Variants in MED24 observed in about 807,000 individuals in gnomAD.
MED24 encodes the protein mediator of RNA polymerase II transcription subunit 24.
Under a neutral mutation model 118.8 loss-of-function variants are expected in MED24, and 74 were observed. The observed-to-expected ratio is 0.62, with a 90% CI of 0.52 to 0.76. MED24 has a LOEUF of 0.76. Among genes scored for constraint, MED24 ranks in the 30% least tolerant of loss-of-function variants. The pLI is 0.00. For missense variants in MED24, 1,041 were observed against 1,278.9 expected, an observed-to-expected ratio of 0.81 and a Z score of 2.84; for synonymous variants, 521 against 523.9, an observed-to-expected ratio of 0.99 and a Z score of 0.08.
chr17:40,033,162 G>A lies in MED24; in HGVS notation c.716C>T (p.Thr239Ile). The change falls in exon 8 of 26, where the codon ACC becomes ATC. Residue 239 changes from threonine to isoleucine, a missense_variant. Transcript: ENST00000394128. This position sits in a 1 kb window ranked among gnomAD's most constrained non-coding sequence, Gnocchi z 5.2. Reference sequence around the variant, plus strand: ...CACGGCGTGGACAGTGGGGAAGCCGGTCTTGTGCATCTGCTCCGCATGCAC... The same window carrying A: ...CACGGCGTGGACAGTGGGGAAGCCGATCTTGTGCATCTGCTCCGCATGCAC... The part of the protein sequence containing the change: ...LSVHAEQMHK[T>I]GFPTVHAVIL... 1.9e-6 allele frequency: 3 copies of A among 1,614,132 alleles called. No individual in the cohort carries two copies. The highest frequency in any genetic ancestry group is 8.5e-7 in the Non-Finnish European group (1 of 1,180,034).
chr17:40,029,754 G>T lies in MED24; in HGVS notation c.1260C>A (p.Ile420=). The T allele has an allele frequency of 1.9e-6, 3 of 1,614,002 alleles. No individual in the cohort carries two copies. Among genetic ancestry groups the T allele is most frequent in the Non-Finnish European group, 1.7e-6 (2 of 1,179,844 alleles). The change falls in exon 13 of 26, where the codon ATC becomes ATA. Residue 420 remains isoleucine (I), a synonymous_variant. Coordinates refer to ENST00000394128, the MANE Select transcript of MED24 (RefSeq NM_014815.4). Reference sequence around the variant, plus strand: ...CAGGGAAGGGCACACTCACCTTGAGGATGTTTGTGACAGTGGGCTCCGCCC... The same window carrying T: ...CAGGGAAGGGCACACTCACCTTGAGTATGTTTGTGACAGTGGGCTCCGCCC... ...ILRAEPTVTN[I]LKTMDADHSK...
At chr17:40,051,628 C>A (rs1985856498) in intron 3 of MED24, among the ~76,000 whole-genome samples, 1 of 146,778 alleles carries the variant, frequency 6.8e-6, no homozygotes, top group Non-Finnish European at 1.5e-5. Context: ...ATCAATCAAT[C>A]AATAAAAAAT....
At chr17:40,053,782 G>A in intron 1 of MED24, 147 bp from the exon 2 acceptor site, 1 of 1,043,742 alleles carries the variant, frequency 9.6e-7, no homozygotes, top group Non-Finnish European at 1.4e-6. Flanking sequence ...AAGGGATAAA[G>A]TAAGATCCTG....
At chr17:40,020,502 G>C in intron 23 of MED24, 149 bp from the exon 24 acceptor site, 1 of 1,527,394 alleles carries the variant, frequency 6.5e-7, no homozygotes, top group South Asian at 1.2e-5. Flanking sequence ...AGAGCACAAA[G>C]GGAGGCCAGG....
Position 40,053,969 on chromosome 17 carries a change from A to T in MED24, c.-37-334T>A, listed in dbSNP as rs1231478112. Reference sequence around the variant, plus strand: ...AACATGGAGAAACCTCGTCTCCACTAAAAATACAAAATTAGCCGGGCTTGG... The same window carrying T: ...AACATGGAGAAACCTCGTCTCCACTTAAAATACAAAATTAGCCGGGCTTGG... On this transcript the variant is annotated intron_variant, in intron 1 of 25. Coordinates refer to ENST00000394128, the MANE Select transcript of MED24 (RefSeq NM_014815.4). 2.7e-5 allele frequency: 11 copies of T among 410,542 alleles called. No homozygotes were observed. In the Admixed American group the frequency reaches 3.9e-4, roughly 15 times the overall value. 25.4% of individuals were successfully genotyped at this position (410,542 alleles called of 1,614,324 possible).
chr17:40,027,123 G>A lies in MED24; in HGVS notation c.1531-89C>T, dbSNP rs1982757450. 4.7e-6 allele frequency: 7 copies of A among 1,488,510 alleles called. No homozygotes were observed. The Admixed American group carries it at 1.5e-4, about 31-fold the overall frequency. The allele number at this position is 1,488,510 out of a possible 1,614,324, so 92.2% of individuals were successfully genotyped here. ...CTGGGGCTGCACTGTTTCCCGCCAGGCTGCTGCTCCAGCCCAGCCCAAAGA... is the reference window on the plus strand; with the variant it reads ...CTGGGGCTGCACTGTTTCCCGCCAGACTGCTGCTCCAGCCCAGCCCAAAGA... On this transcript the variant is annotated intron_variant, in intron 16 of 25. Transcript: ENST00000394128.
chr17:40,020,554 G>A (rs1401470391), intron 23 of MED24: 21 of 1,191,824 alleles, frequency 1.8e-5, no homozygotes, highest in Non-Finnish European at 2.4e-5. Context: ...TTGGGAGGCC[G>A]AGGCAGGAGG....
At chr17:40,042,702 A>G (rs978098616) in intron 3 of MED24, among the ~76,000 whole-genome samples, 11 of 152,240 alleles carry the variant, frequency 7.2e-5, no homozygotes, top group Admixed American at 4.6e-4. Context: ...AAAGATACCA[A>G]TGAAATATAC....
Position 40,022,408 on chromosome 17 carries a change from G to A in MED24, c.2509C>T (p.Arg837Cys), listed in dbSNP as rs201314858. 2.0e-5 allele frequency: 32 copies of A among 1,609,842 alleles called. 1 individual carries two copies. The highest frequency in any genetic ancestry group is 4.4e-5 in the South Asian group (4 of 90,148). ...QASTRQKKRHREDIEDYISLF... is the reference protein window; with the variant it reads ...QASTRQKKRHCEDIEDYISLF... ...GGGGGGCCTACCTCAATGTCTTCGC[G>A]GTGTCTCTTCTTCTGGCGGGTGGAC... The change falls in exon 22 of 26, where the codon CGC (arginine) becomes TGC (cysteine). Residue 837 changes from arginine (R) to cysteine (C), a missense_variant. Physicochemically the swap from Arg to Cys is radical, Grantham distance 180. Coordinates refer to ENST00000394128, the MANE Select transcript of MED24 (RefSeq NM_014815.4).
chr17:40,019,982 G>T (rs537656540), intron 24 of MED24, 49 bp from the exon 25 acceptor site: 2 of 1,543,446 alleles, frequency 1.3e-6, no homozygotes, highest in Non-Finnish European at 1.8e-6. Context: ...ATGAGAGTGG[G>T]TGAGGTCACA....
chr17:40,040,563 C>T (rs867323414), intron 3 of MED24, among the ~76,000 whole-genome samples: 1 of 151,862 alleles, frequency 6.6e-6, no homozygotes, highest in Non-Finnish European at 1.5e-5. Flanking sequence ...TTCCATTTAA[C>T]CACCACCCCA....
intron 24 of MED24, 77 bp downstream of exon 24, chr17:40,020,196 A>G (rs1156421757): frequency 1.5e-6 from 2 of 1,366,030 alleles, no homozygotes; most frequent in Admixed American, 2.6e-5. Flanking sequence ...TCCAGCTGAC[A>G]AGGTCTCCCA....
At chr17:40,034,170 G>A (rs1983690222) in intron 6 of MED24, among the ~76,000 whole-genome samples, 1 of 152,102 alleles carries the variant, frequency 6.6e-6, no homozygotes, top group Non-Finnish European at 1.5e-5. Flanking sequence ...TAACCTCCAT[G>A]GAGCATAAAA....
chr17:40,028,821 C>T lies in MED24; in HGVS notation c.1409+5G>A, dbSNP rs1468324616. ...CCCTGGGGTCAGGGGCTTGGCCTTC[C>T]TCACTTGATGAATTTCCGGGCGAAG... On this transcript the variant is annotated splice_donor_5th_base_variant and intron_variant, in intron 14 of 25. Transcript: ENST00000394128. The T allele has an allele frequency of 6.2e-7, 1 of 1,613,536 alleles. No homozygotes were observed. Among genetic ancestry groups the T allele is most frequent in the Non-Finnish European group, 8.5e-7 (1 of 1,179,960 alleles).
intron 11 of MED24, 54 bp from the exon 12 acceptor site, chr17:40,031,299 G>T: frequency 1.3e-6 from 2 of 1,490,668 alleles, no homozygotes; most frequent in African/African-American, 1.4e-5. Flanking sequence ...GATGGTGAGG[G>T]GTGGGAGTGG....
At chr17:40,029,017 C>T (rs201324799) in intron 13 of MED24, 49 bp from the exon 14 acceptor site, 17 of 1,612,128 alleles carry the variant, frequency 1.1e-5, no homozygotes, top group Non-Finnish European at 1.4e-5. Flanking sequence ...GAAGACCCCC[C>T]ACCCAAGATA....
At position 40,027,875 on chromosome 17, in the gene MED24, CCACTGGGCCTGCGGATGCACAGGGCT is replaced by C; in HGVS notation, c.1447+8_1447+33del. On this transcript the variant is annotated splice_region_variant and intron_variant, in intron 15 of 25. Coordinates refer to ENST00000394128, the MANE Select transcript of MED24 (RefSeq NM_014815.4). ...CTCCCGCCACACCCCTCCTCAGGGCCCACTGGGCCTGCGGATGCACAGGGCTGACTTACTGCTTTCTTCGCTGCCAT... is the reference window on the plus strand; with the variant it reads ...CTCCCGCCACACCCCTCCTCAGGGCCGACTTACTGCTTTCTTCGCTGCCAT... 1 of 1,608,550 alleles carries C rather than the reference CCACTGGGCCTGCGGATGCACAGGGCT, an allele frequency of 6.2e-7. No individual in the cohort carries two copies. The highest frequency in any genetic ancestry group is 1.1e-5 in the South Asian group (1 of 90,990).
chr17:40,026,812 C>T, intron 17 of MED24, 44 bp downstream of exon 17: 1 of 1,611,240 alleles, frequency 6.2e-7, no homozygotes, highest in Non-Finnish European at 8.5e-7. Context: ...GGTCTTGACC[C>T]TGCCCCCACC....
At chr17:40,027,103 G>T in intron 16 of MED24, 69 bp from the exon 17 acceptor site, 1 of 1,552,676 alleles carries the variant, frequency 6.4e-7, no homozygotes. Context: ...TGGACCTGGG[G>T]CTGCACTGTT....
Sources: gnomAD v4.1 joint callset for allele counts (sites outside exome capture counted in the v4.1 genomes callset) on GRCh38, gnomAD v4.1.1 for gene constraint, Gnocchi (gnomAD v3.1) non-coding constraint, MANE v1.5 for transcripts, NCBI Gene and HGNC (gene_info 2026-07-23, HGNC 2026-07-21) for gene names.